The following PDZRN3 variants were observed in gnomAD, a reference collection of about 807,000 sequenced individuals.
PDZRN3 encodes the protein E3 ubiquitin-protein ligase PDZRN3.
A neutral mutation model predicts 85.7 loss-of-function variants in PDZRN3; 38 were observed. The observed-to-expected ratio is 0.44, with a 90% CI of 0.34 to 0.58. The LOEUF (loss-of-function observed/expected upper bound fraction) is 0.58, where lower values mean the gene tolerates loss of function less well. Among genes scored for constraint, PDZRN3 ranks in the 20% least tolerant of loss-of-function variants. The pLI is 0.01. For missense variants in PDZRN3, 1,629 were observed against 1,506.4 expected, an observed-to-expected ratio of 1.08 and a Z score of -1.35; for synonymous variants, 759 against 638.0, an observed-to-expected ratio of 1.19 and a Z score of -2.86.
At chr3:73,501,617 G>A (rs1319654757) in intron 3 of PDZRN3, among the ~76,000 whole-genome samples, 1 of 152,184 alleles carries the variant, frequency 6.6e-6, no homozygotes, top group Non-Finnish European at 1.5e-5. Context: ...TGGATGCAAC[G>A]CGAGGCTCTC....
intron 3 of PDZRN3, among the ~76,000 whole-genome samples, chr3:73,422,461 C>T (rs1290163970): frequency 6.6e-6 from 1 of 152,118 alleles, no homozygotes; most frequent in Non-Finnish European, 1.5e-5. Context: ...GGATAAGTAA[C>T]ACTCAAAAGC....
chr3:73,533,102 T>C (rs1461604858), intron 3 of PDZRN3, among the ~76,000 whole-genome samples: 1 of 152,222 alleles, frequency 6.6e-6, no homozygotes, highest in Non-Finnish European at 1.5e-5. Context: ...TATTTCAACA[T>C]CAAAGACAGG....
At chr3:73,387,883 A>G (rs186077347) in intron 8 of PDZRN3, 85 bp downstream of exon 8, 1 of 655,196 alleles carries the variant, frequency 1.5e-6, no homozygotes, top group African/African-American at 1.8e-5. Flanking sequence ...GTTCGCAGCC[A>G]ATACTCAGGT....
intron 3 of PDZRN3, among the ~76,000 whole-genome samples, chr3:73,557,811 A>C: frequency 6.6e-6 from 1 of 152,266 alleles, no homozygotes; most frequent in African/African-American, 2.4e-5. Flanking sequence ...AAATCACTTA[A>C]CTCTGTAATC....
rs574197392 is a variant in PDZRN3 at position 73,613,314 on chromosome 3, CAGG to C, written c.724-4633_724-4631del. 4.3e-3 allele frequency among the ~76,000 whole-genome samples: 658 copies of C among 152,124 alleles called. 1 individual carries two copies. The highest frequency in any genetic ancestry group is 0.015 in the African/African-American group (638 of 41,500). ...GATACTGACCAAGTGGGCTGTGGGCCAGGAGAAGGGGAAATCACATACATAACA... is the reference window on the plus strand; with the variant it reads ...GATACTGACCAAGTGGGCTGTGGGCCAGAAGGGGAAATCACATACATAACA... On this transcript the variant is annotated intron_variant, in intron 1 of 9. Coordinates refer to ENST00000263666, the MANE Select transcript of PDZRN3 (RefSeq NM_015009.3).
At chr3:73,561,244 C>G (rs1701808501) in intron 3 of PDZRN3, among the ~76,000 whole-genome samples, 1 of 152,198 alleles carries the variant, frequency 6.6e-6, no homozygotes, top group Non-Finnish European at 1.5e-5. Context: ...CCTGGTGGAG[C>G]TGCTTTAAAG....
At chr3:73,428,209 C>T (rs1702356864) in intron 3 of PDZRN3, among the ~76,000 whole-genome samples, 2 of 151,940 alleles carry the variant, frequency 1.3e-5, no homozygotes, top group African/African-American at 4.8e-5. Flanking sequence ...ACTGGGGAGC[C>T]AGTGAGCAAG....
intron 3 of PDZRN3, among the ~76,000 whole-genome samples, chr3:73,423,190 T>G (rs1249101201): frequency 6.6e-6 from 1 of 152,226 alleles, no homozygotes; most frequent in African/African-American, 2.4e-5. Flanking sequence ...GATAGTAATT[T>G]CTCTGTTTTG....
At chr3:73,405,746 C>T (rs1701841783) in intron 3 of PDZRN3, among the ~76,000 whole-genome samples, 1 of 152,192 alleles carries the variant, frequency 6.6e-6, no homozygotes, top group Non-Finnish European at 1.5e-5. Flanking sequence ...GAACCACAGC[C>T]TTTTCCTATT....
At chr3:73,614,935 C>A (rs547447403) in intron 1 of PDZRN3, among the ~76,000 whole-genome samples, 1 of 152,174 alleles carries the variant, frequency 6.6e-6, no homozygotes, top group South Asian at 2.1e-4. Context: ...GGAAACTGTT[C>A]CAAAGCCTAA....
chr3:73,500,839 T>C (rs972291092), intron 3 of PDZRN3, among the ~76,000 whole-genome samples: 1 of 152,206 alleles, frequency 6.6e-6, no homozygotes, highest in African/African-American at 2.4e-5. Context: ...CTTTCATTTC[T>C]TCACACAGCC....
chr3:73,563,592 G>A (rs753839390), intron 3 of PDZRN3, among the ~76,000 whole-genome samples: 1 of 152,080 alleles, frequency 6.6e-6, no homozygotes, highest in Non-Finnish European at 1.5e-5. Flanking sequence ...TGCCTGCTGT[G>A]GGCTTCTGCA....
At chr3:73,591,703 G>T (rs1004769305) in intron 3 of PDZRN3, among the ~76,000 whole-genome samples, 1 of 152,064 alleles carries the variant, frequency 6.6e-6, no homozygotes, top group African/African-American at 2.4e-5. Context: ...CTTTATTATG[G>T]CAACTTTATC....
intron 3 of PDZRN3, among the ~76,000 whole-genome samples, chr3:73,460,229 C>T (rs1015428054): frequency 5.9e-5 from 9 of 152,030 alleles, no homozygotes; most frequent in African/African-American, 9.7e-5. Flanking sequence ...AAAGTCTGAG[C>T]GAAAGAATCC....
chr3:73,488,342 C>T (rs1703704762), intron 3 of PDZRN3, among the ~76,000 whole-genome samples: 2 of 152,206 alleles, frequency 1.3e-5, no homozygotes, highest in Admixed American at 1.3e-4. Flanking sequence ...CCCTATCAAC[C>T]TTTCCTACTA....
intron 1 of PDZRN3, 81 bp downstream of exon 1, chr3:73,624,022 C>T: frequency 7.7e-7 from 1 of 1,297,150 alleles, no homozygotes; most frequent in Non-Finnish European, 1.0e-6. Flanking sequence ...CTCGGGGCAT[C>T]CCTGTACCCA....
intron 3 of PDZRN3, among the ~76,000 whole-genome samples, chr3:73,478,616 A>T (rs1278236378): frequency 1.3e-5 from 2 of 152,140 alleles, no homozygotes; most frequent in Non-Finnish European, 2.9e-5. Flanking sequence ...GGCTTGAATC[A>T]TTCCAAAACC....
intron 3 of PDZRN3, among the ~76,000 whole-genome samples, chr3:73,548,704 C>A (rs1037072248): frequency 6.6e-6 from 1 of 152,188 alleles, no homozygotes; most frequent in African/African-American, 2.4e-5. Flanking sequence ...TTGATAGGGT[C>A]AATCACTCAA....
chr3:73,391,178 A>G, intron 5 of PDZRN3, 62 bp from the exon 6 acceptor site: 1 of 957,594 alleles, frequency 1.0e-6, no homozygotes, highest in South Asian at 1.3e-5. Context: ...AGGGGATGTC[A>G]AATGCTTTAA....
Sources: gnomAD v4.1 joint callset for allele counts (sites outside exome capture counted in the v4.1 genomes callset) on GRCh38, gnomAD v4.1.1 for gene constraint, MANE v1.5 for transcripts, NCBI Gene and HGNC (gene_info 2026-07-23, HGNC 2026-07-21) for gene names.